The following DRC8 variants were observed in gnomAD, a reference collection of about 807,000 sequenced individuals.
The protein encoded by DRC8 is dynein regulatory complex subunit 8, also known as dynein regulatory complex protein 8.
At chr1:245,121,220 T>C in the DRC8 span, among the ~76,000 whole-genome samples, 10 of 152,240 alleles carry the variant, frequency 6.6e-5, no homozygotes, top group Non-Finnish European at 1.5e-4. Context: ...GAGGTGTATT[T>C]GCAGTCTTTG....
chr1:245,063,379 A>G, the DRC8 span, among the ~76,000 whole-genome samples: 1 of 152,144 alleles, frequency 6.6e-6, no homozygotes, highest in African/African-American at 2.4e-5. Context: ...AAGCACTCTC[A>G]TCCAATCTCA....
the DRC8 span, among the ~76,000 whole-genome samples, chr1:245,040,997 T>C: frequency 6.6e-6 from 1 of 152,332 alleles, no homozygotes; most frequent in East Asian, 1.9e-4. Flanking sequence ...CAGGATGATG[T>C]AACAAAATGT....
the DRC8 span, among the ~76,000 whole-genome samples, chr1:245,049,542 T>A: frequency 6.6e-6 from 1 of 152,146 alleles, no homozygotes; most frequent in Non-Finnish European, 1.5e-5. This position sits in a 1 kb window ranked among gnomAD's most constrained non-coding sequence, Gnocchi z 4.5. Flanking sequence ...ATGACATGTA[T>A]GTATGCCCCA....
chr1:244,970,048 G>A, the DRC8 span: 5 of 627,422 alleles, frequency 8.0e-6, no homozygotes, highest in Admixed American at 1.6e-4. Context: ...CGAGGGGTGT[G>A]TGCGCGCGCG....
chr1:245,002,521 C>T, the DRC8 span, among the ~76,000 whole-genome samples: 1 of 152,042 alleles, frequency 6.6e-6, no homozygotes, highest in African/African-American at 2.4e-5. Flanking sequence ...CCTTATGTTT[C>T]TTTAGTTTCT....
chr1:244,970,174 G>T, the DRC8 span: 1 of 705,520 alleles, frequency 1.4e-6, no homozygotes, highest in Non-Finnish European at 2.6e-6. Context: ...GAGGGACAAG[G>T]CCGGGGGCCG....
At chr1:245,008,241 T>TA in the DRC8 span, among the ~76,000 whole-genome samples, 241 of 152,236 alleles carry the variant, frequency 1.6e-3, 1 homozygote, top group African/African-American at 5.2e-3. Flanking sequence ...CAATATCTGG[T>TA]AAAACTAGAT....
chr1:245,082,632 G>C, the DRC8 span, among the ~76,000 whole-genome samples: 1 of 152,140 alleles, frequency 6.6e-6, no homozygotes, highest in Non-Finnish European at 1.5e-5. Flanking sequence ...TTCATATCCA[G>C]AAATCCAAAA....
the DRC8 span, among the ~76,000 whole-genome samples, chr1:245,073,179 A>G: frequency 6.6e-6 from 1 of 152,168 alleles, no homozygotes. Flanking sequence ...TCTGTTGCCC[A>G]GGCTGGAGTG....
the DRC8 span, among the ~76,000 whole-genome samples, chr1:245,106,812 A>G: frequency 6.6e-6 from 1 of 152,222 alleles, no homozygotes; most frequent in Non-Finnish European, 1.5e-5. Flanking sequence ...TGGGAGGCTG[A>G]GGCTGACGGA....
chr1:245,103,609 TCA>T, the DRC8 span, among the ~76,000 whole-genome samples: 1 of 96,744 alleles, frequency 1.0e-5, no homozygotes, highest in Admixed American at 1.1e-4. Flanking sequence ...CTGAGGAGGA[TCA>T]GAGGTGGTCC....
At chr1:245,121,891 T>A in the DRC8 span, 1 of 419,200 alleles carries the variant, frequency 2.4e-6, no homozygotes, top group African/African-American at 2.3e-5. Flanking sequence ...TTCTTTTCTT[T>A]TTTCTTATTT....
the DRC8 span, among the ~76,000 whole-genome samples, chr1:245,108,916 C>T: frequency 6.6e-6 from 1 of 152,160 alleles, no homozygotes; most frequent in Admixed American, 6.5e-5. Context: ...ATAGATATGG[C>T]CATGGCTTGT....
At chr1:245,077,162 G>A in the DRC8 span, among the ~76,000 whole-genome samples, 17 of 152,164 alleles carry the variant, frequency 1.1e-4, 2 homozygotes, top group African/African-American at 3.9e-4. Context: ...TGCTAGAGCC[G>A]CTTTGATAGT....
the DRC8 span, among the ~76,000 whole-genome samples, chr1:244,992,415 C>T: frequency 6.6e-6 from 1 of 152,124 alleles, no homozygotes; most frequent in South Asian, 2.1e-4. Flanking sequence ...TGCAAAATTT[C>T]TTAAACAACT....
the DRC8 span, chr1:245,122,010 T>G: frequency 8.1e-6 from 3 of 368,120 alleles, no homozygotes; most frequent in Non-Finnish European, 1.0e-5. Flanking sequence ...GAGATTCTCC[T>G]GCCTCAGCCT....
chr1:245,013,834 C>A, the DRC8 span, among the ~76,000 whole-genome samples: 1 of 151,614 alleles, frequency 6.6e-6, no homozygotes, highest in African/African-American at 2.4e-5. Flanking sequence ...AGTTTGAGAC[C>A]AGTCTGACCA....
the DRC8 span, among the ~76,000 whole-genome samples, chr1:245,084,442 A>G: frequency 2.0e-5 from 3 of 152,168 alleles, 1 homozygote; most frequent in Admixed American, 1.3e-4. Flanking sequence ...AACACTAAAA[A>G]TGTCCTTTTT....
the DRC8 span, among the ~76,000 whole-genome samples, chr1:245,020,506 C>A: frequency 1.3e-5 from 2 of 152,070 alleles, no homozygotes; most frequent in Non-Finnish European, 2.9e-5. Context: ...CCCCCAAGAC[C>A]CTTTCCGGGG....
Sources: allele counts gnomAD v4.1 joint callset (sites outside exome capture counted in the v4.1 genomes callset), GRCh38; gene constraint gnomAD v4.1.1; non-coding constraint Gnocchi (gnomAD v3.1); transcripts MANE v1.5; gene names NCBI Gene and HGNC (gene_info 2026-07-23, HGNC 2026-07-21).